The following JAKMIP3 variants were observed in gnomAD, a reference collection of about 807,000 sequenced individuals.
JAKMIP3 encodes the protein Janus kinase and microtubule interacting protein 3.
A neutral mutation model predicts 118.5 loss-of-function variants in JAKMIP3; 58 were observed. The observed-to-expected ratio is 0.49, with a 90% CI of 0.40 to 0.61. The LOEUF (loss-of-function observed/expected upper bound fraction) is 0.61. Among genes scored for constraint, JAKMIP3 ranks in the 20% least tolerant of loss-of-function variants. The pLI is 0.00. For synonymous variants in JAKMIP3, 486 were observed against 451.2 expected (o/e 1.08, Z -0.98); for missense variants, 950 against 1,109.0 (o/e 0.86, Z 2.04).
At chr10:132,136,838 A>G (rs2051885794) in intron 6 of JAKMIP3, among the ~76,000 whole-genome samples, 181 bp from the exon 7 acceptor site, 3 of 152,170 alleles carry the variant, frequency 2.0e-5, no homozygotes, top group African/African-American at 7.2e-5. Flanking sequence ...CTGGGCCCAC[A>G]TAGGCCTCAT....
chr10:132,146,701 A>G (rs1289365754), intron 13 of JAKMIP3, among the ~76,000 whole-genome samples: 1 of 152,000 alleles, frequency 6.6e-6, no homozygotes, highest in Non-Finnish European at 1.5e-5. Context: ...TCCAATGCAG[A>G]CTCTGCACTG....
In JAKMIP3 at chr10:132,138,187, C is replaced by T. The variant is rs200094359; in HGVS notation, c.1344+9C>T. The T allele has an allele frequency of 6.2e-7, 1 of 1,607,154 alleles. No homozygotes were observed. Among genetic ancestry groups the T allele is most frequent in the East Asian group, 2.2e-5 (1 of 44,676 alleles). ...TGGCAAAACTTCCCAAGGTAAGGAA[C>T]AGCACACCGGCACGTGCGGAGAGTA... On this transcript the variant is annotated intron_variant, in intron 9 of 23. Coordinates refer to ENST00000684848, the MANE Select transcript of JAKMIP3 (RefSeq NM_001323087.2).
chr10:132,109,071 CAT>C (rs1484937628), intron 2 of JAKMIP3, among the ~76,000 whole-genome samples: 1 of 4,808 alleles, frequency 2.1e-4, no homozygotes, highest in Non-Finnish European at 8.5e-4. Context: ...CATATACACA[CAT>C]ACACATATAT....
intron 1 of JAKMIP3, among the ~76,000 whole-genome samples, chr10:132,041,322 C>T (rs2037739630): frequency 6.6e-6 from 1 of 152,196 alleles, no homozygotes; most frequent in Admixed American, 6.5e-5. Context: ...GAGTGGAGAG[C>T]TGGCTGGGTC....
At chr10:132,121,248 C>T (rs141695804) in intron 3 of JAKMIP3, among the ~76,000 whole-genome samples, 28 of 152,200 alleles carry the variant, frequency 1.8e-4, no homozygotes, top group Non-Finnish European at 2.2e-4. Flanking sequence ...GAGCTGCAGG[C>T]GGGAGGAACA....
chr10:132,096,893 C>T (rs2043943140), intron 1 of JAKMIP3, among the ~76,000 whole-genome samples: 1 of 152,172 alleles, frequency 6.6e-6, no homozygotes, highest in Non-Finnish European at 1.5e-5. Context: ...ATCCAGCAAC[C>T]CAGAGCCAAC....
chr10:132,041,360 C>G (rs1053999713), intron 1 of JAKMIP3, among the ~76,000 whole-genome samples: 1 of 152,152 alleles, frequency 6.6e-6, no homozygotes, highest in Non-Finnish European at 1.5e-5. Flanking sequence ...GTGGTAGGTG[C>G]CAGTGGGAAC....
chr10:132,138,175 C>G lies in JAKMIP3; in HGVS notation c.1341C>G (p.Pro447=). The change falls in exon 9 of 24, where the codon CCC becomes CCG. Residue 447 remains proline (P), a synonymous_variant. Coordinates refer to ENST00000684848, the MANE Select transcript of JAKMIP3 (RefSeq NM_001323087.2). ...RKQRKKMAKL[P]KPVVVETFFG... is the part of the protein sequence containing the mutation. ...AAAGAAAGAAAATGGCAAAACTTCC[C>G]AAGGTAAGGAACAGCACACCGGCAC... 6.2e-7 allele frequency: 1 copy of G among 1,609,850 alleles called. No homozygotes were observed. Among genetic ancestry groups the G allele is most frequent in the Non-Finnish European group, 8.5e-7 (1 of 1,178,068 alleles).
At chr10:132,181,068 C>T (rs1173220517) in intron 23 of JAKMIP3, among the ~76,000 whole-genome samples, 4 of 151,612 alleles carry the variant, frequency 2.6e-5, no homozygotes, top group Non-Finnish European at 4.4e-5. Context: ...ATTGTGTGTA[C>T]GTGCACATGT....
chr10:132,058,561 G>A (rs567443371), intron 1 of JAKMIP3, among the ~76,000 whole-genome samples: 6 of 152,222 alleles, frequency 3.9e-5, no homozygotes, highest in East Asian at 1.9e-4. Context: ...CCCTGGGCAC[G>A]CAGGTGGTGA....
rs945735326 is a variant in JAKMIP3 at position 132,184,391 on chromosome 10, G to T, written c.*3138G>T. On this transcript the variant is annotated 3_prime_UTR_variant, in exon 24 of 24. Coordinates refer to ENST00000684848, the MANE Select transcript of JAKMIP3 (RefSeq NM_001323087.2). ...GCACTGACGCATTCGCCAACTCACCGTCATCCCATCCTTGAAACCCTGAGA... is the reference window on the plus strand; with the variant it reads ...GCACTGACGCATTCGCCAACTCACCTTCATCCCATCCTTGAAACCCTGAGA... 1.3e-5 allele frequency: 2 copies of T among 152,232 alleles called. No homozygotes were observed. The highest frequency in any genetic ancestry group is 3.8e-4 in the East Asian group (2 of 5,206). The allele number at this position is 152,232 out of a possible 1,614,324, so 9.4% of individuals were successfully genotyped here.
In JAKMIP3 at chr10:132,172,957, C is replaced by A. The variant is rs77751662; in HGVS notation, c.*1103+3924C>A. On this transcript the variant is annotated intron_variant, in intron 23 of 23. Transcript: ENST00000684848. ...GCCTTCCCTCTCTACTTCCTTCTCT[C>A]TCTCCTTCCCTCTCTCTCCTTCCCT... Among the ~76,000 whole-genome samples the A allele has an allele frequency of 2.0e-3, 287 of 142,174 alleles. 2 individuals carry two copies. The highest frequency in any genetic ancestry group is 7.3e-3 in the African/African-American group (254 of 34,738). 93.3% of individuals were successfully genotyped at this position (142,174 alleles called of 152,430 possible).
Position 132,168,429 on chromosome 10 carries a change from G to A in JAKMIP3, c.*499G>A. On this transcript the variant is annotated 3_prime_UTR_variant, in exon 23 of 24. Coordinates refer to ENST00000684848, the MANE Select transcript of JAKMIP3 (RefSeq NM_001323087.2). ...AAAGCTGGACGGTGACCTTCATTCA[G>A]GGGAACCTGGAGGCTCCCTGGGATG... The A allele has an allele frequency of 1.6e-6, 2 of 1,285,552 alleles. No individual in the cohort carries two copies. The highest frequency in any genetic ancestry group is 5.6e-5 in the East Asian group (1 of 18,004). The allele number at this position is 1,285,552 out of a possible 1,614,324, so 79.6% of individuals were successfully genotyped here. A position where few individuals can be genotyped will look rare whatever the true frequency, so the allele number is the denominator to read the frequency against.
At chr10:132,143,142 C>CGGGGGGGGGG (rs139480000) in intron 11 of JAKMIP3, among the ~76,000 whole-genome samples, 1 of 146,832 alleles carries the variant, frequency 6.8e-6, no homozygotes, top group African/African-American at 2.6e-5. Context: ...TGTCCTGAGT[C>CGGGGGGGGGG]GGGGTGGGGG....
intron 1 of JAKMIP3, among the ~76,000 whole-genome samples, chr10:132,067,258 C>T (rs1289750767): frequency 5.5e-5 from 8 of 146,720 alleles, no homozygotes; most frequent in Non-Finnish European, 1.0e-4. Flanking sequence ...CATTCACATT[C>T]CTTCTCCAAG....
At chr10:132,102,750 C>A (rs12355380) in intron 1 of JAKMIP3, among the ~76,000 whole-genome samples, 1 of 152,134 alleles carries the variant, frequency 6.6e-6, no homozygotes, top group Non-Finnish European at 1.5e-5. Context: ...CTGCCACCTC[C>A]GCTGGTCTCT....
intron 23 of JAKMIP3, among the ~76,000 whole-genome samples, chr10:132,174,416 CGTGGGCTCA>C (rs1464777302): frequency 2.7e-5 from 4 of 148,644 alleles, no homozygotes; most frequent in Admixed American, 1.3e-4. Context: ...CCGTGGCCTC[CGTGGGCTCA>C]GTGGGCTCCG....
intron 1 of JAKMIP3, among the ~76,000 whole-genome samples, chr10:132,085,496 T>C (rs901263387): frequency 7.7e-6 from 1 of 129,222 alleles, no homozygotes; most frequent in East Asian, 3.3e-4. Flanking sequence ...CTATCAATTT[T>C]CTCTCTCTTT....
chr10:132,115,204 C>T (rs540789386), intron 2 of JAKMIP3, among the ~76,000 whole-genome samples: 52 of 99,462 alleles, frequency 5.2e-4, no homozygotes, highest in African/African-American at 2.6e-3. Flanking sequence ...ACCGCGATCG[C>T]GGCTAGGGGT....
Sources: gnomAD v4.1 joint callset for allele counts (sites outside exome capture counted in the v4.1 genomes callset) on GRCh38, gnomAD v4.1.1 for gene constraint, MANE v1.5 for transcripts, NCBI Gene and HGNC (gene_info 2026-07-23, HGNC 2026-07-21) for gene names.